The following ANKRD36B variants were observed in gnomAD, a reference collection of about 807,000 sequenced individuals.
ANKRD36B encodes the protein ankyrin repeat domain 36B, also known as ankyrin repeat domain-containing protein 36B.
ANKRD36B carries 37 observed loss-of-function variants against 135.7 expected under a neutral mutation model. The ratio of observed to expected loss-of-function variants is 0.27; its 90% CI spans 0.21 to 0.36. ANKRD36B has a LOEUF of 0.36. Among genes scored for constraint, ANKRD36B ranks in the 10% least tolerant of loss-of-function variants. ANKRD36B has a pLI of 1.00. For missense variants in ANKRD36B, 549 were observed against 1,037.1 expected, an observed-to-expected ratio of 0.53 and a Z score of 6.46; for synonymous variants, 179 against 348.1, an observed-to-expected ratio of 0.51 and a Z score of 5.41.
intron 12 of ANKRD36B, 134 bp from the exon 13 acceptor site, chr2:97,555,388 C>A: frequency 7.4e-7 from 1 of 1,345,358 alleles, no homozygotes; most frequent in Non-Finnish European, 1.0e-6. Flanking sequence ...TGTCTGGGGA[C>A]TGGAACATGA....
chr2:97,582,044 G>A (rs2082669107), intron 3 of ANKRD36B, among the ~76,000 whole-genome samples: 1 of 151,100 alleles, frequency 6.6e-6, no homozygotes. Flanking sequence ...TTCTGACCTC[G>A]TGATCTACCT....
chr2:97,589,145 C>G (rs1234555307), intron 1 of ANKRD36B, among the ~76,000 whole-genome samples: 6 of 104,808 alleles, frequency 5.7e-5, no homozygotes, highest in Non-Finnish European at 7.8e-5. Context: ...ACCCCTTTCC[C>G]CCACCCCATT....
At chr2:97,581,740 T>A (rs1218948012) in intron 3 of ANKRD36B, among the ~76,000 whole-genome samples, 1 of 152,188 alleles carries the variant, frequency 6.6e-6, no homozygotes, top group East Asian at 1.9e-4. Context: ...GCTCTAATAA[T>A]GACCTATATG....
Position 97,547,575 on chromosome 2 carries a change from T to C in ANKRD36B, c.1540A>G (p.Ile514Val), listed in dbSNP as rs984952529. The C allele has an allele frequency of 3.4e-5, 53 of 1,561,198 alleles. No homozygotes were observed. The highest frequency in any genetic ancestry group is 7.1e-5 in the Admixed American group (4 of 56,688). ...TRDEKDSLLN[I>V]ARGKKDGEKT... ...TCTCCATCTTTTTTTCCTCTGGCTA[T>C]ATTCAAAAGAGAATCTTTCTCGTCT... Residue 514 changes from isoleucine (I) to valine (V), a missense_variant, in exon 22 of 44, where the codon ATA (isoleucine) becomes GTA (valine). Physicochemically the swap from Ile to Val is conservative, Grantham distance 29. Transcript: ENST00000359901.
intron 22 of ANKRD36B, chr2:97,547,229 C>G: frequency 3.2e-6 from 1 of 308,408 alleles, no homozygotes; most frequent in Non-Finnish European, 6.2e-6. Context: ...CTCCTTCCAC[C>G]CTTACTGAAA....
chr2:97,556,112 C>G (rs1219860179), intron 12 of ANKRD36B, among the ~76,000 whole-genome samples: 1 of 151,698 alleles, frequency 6.6e-6, no homozygotes, highest in African/African-American at 2.4e-5. Flanking sequence ...TCTGGAATAT[C>G]ATTGTATTAT....
At chr2:97,529,129 G>A (rs1258110958) in intron 35 of ANKRD36B, among the ~76,000 whole-genome samples, 2 of 96,088 alleles carry the variant, frequency 2.1e-5, no homozygotes, top group African/African-American at 6.3e-5. Context: ...AATATCCTTA[G>A]TGAACATTGA....
intron 14 of ANKRD36B, 145 bp downstream of exon 14, chr2:97,554,915 C>G (rs890333629): frequency 8.2e-6 from 9 of 1,091,774 alleles, no homozygotes; most frequent in African/African-American, 1.6e-5. Flanking sequence ...CAGCATCACC[C>G]GAGAACTTAT....
At chr2:97,554,421 G>A (rs138548778) in intron 14 of ANKRD36B, among the ~76,000 whole-genome samples, 8,395 of 151,964 alleles carry the variant, frequency 0.055, 803 homozygotes, top group African/African-American at 0.19. Context: ...TGTCAATGTG[G>A]TTTATCCCAA....
chr2:97,573,795 C>A (rs2082049418), intron 6 of ANKRD36B, among the ~76,000 whole-genome samples: 1 of 152,022 alleles, frequency 6.6e-6, no homozygotes, highest in African/African-American at 2.4e-5. Context: ...GGAAAGGATT[C>A]CCTATTTAAT....
At chr2:97,561,131 A>G (rs746219064) in intron 6 of ANKRD36B, among the ~76,000 whole-genome samples, 5 of 151,916 alleles carry the variant, frequency 3.3e-5, no homozygotes, top group African/African-American at 7.2e-5. Flanking sequence ...AACCATGTCA[A>G]TATCAATGTG....
At chr2:97,547,834 T>C (rs1428950709) in intron 20 of ANKRD36B, 103 bp from the exon 21 acceptor site, 2 of 1,470,750 alleles carry the variant, frequency 1.4e-6, no homozygotes, top group Non-Finnish European at 1.9e-6. Context: ...CTGCCTGTAT[T>C]AGCATAGGCT....
chr2:97,553,672 C>A (rs1216931697), intron 14 of ANKRD36B, among the ~76,000 whole-genome samples: 5 of 151,906 alleles, frequency 3.3e-5, no homozygotes, highest in East Asian at 1.9e-4. Context: ...CAAATGCGAT[C>A]AAAAATCAGA....
In ANKRD36B at chr2:97,551,355, T is replaced by C. The variant is rs1205614094; in HGVS notation, c.1309A>G (p.Ser437Gly). The C allele has an allele frequency of 1.3e-6, 2 of 1,596,206 alleles. No individual in the cohort carries two copies. Among genetic ancestry groups the C allele is most frequent in the Admixed American group, 1.7e-5 (1 of 58,348 alleles). ...SQKKPALKAT[S>G]DEKDSFSNIT... ...TTCGAAAAAGAATCTTTCTCATCAC[T>C]TGTGGCCTGAATGGAATTTGAAACA... The change falls in exon 18 of 44, where the codon AGT (serine) becomes GGT (glycine). Residue 437 changes from serine (S) to glycine (G), a missense_variant. Coordinates refer to ENST00000359901, the MANE Select transcript of ANKRD36B (RefSeq NM_001393939.1).
At position 97,589,744 on chromosome 2, in the gene ANKRD36B, C is replaced by T. The variant is rs2104422096; in HGVS notation, c.-59G>A. 1.9e-6 allele frequency: 3 copies of T among 1,610,084 alleles called. No homozygotes were observed. The highest frequency in any genetic ancestry group is 2.2e-5 in the East Asian group (1 of 44,812). ...CTTAATCGTCGGCTGCAAATTGTAG[C>T]CTGCAGCCGTATTTCAGCTCGCCTT... On this transcript the variant is annotated 5_prime_UTR_variant, in exon 1 of 44. Coordinates refer to ENST00000359901, the MANE Select transcript of ANKRD36B (RefSeq NM_001393939.1).
rs764600489 is a variant in ANKRD36B at position 97,551,291 on chromosome 2, G to A, written c.1373C>T (p.Thr458Ile). Reference protein sequence around the residue: ...REKKDGEISRTVSSQKPPALK... With the variant: ...REKKDGEISRIVSSQKPPALK... ...TTAAATGTGTTTCGCAAAATTACCT[G>A]TCCTAGATATTTCTCCATCCTTTTT... The change falls in exon 18 of 44, where the codon ACA (threonine) becomes ATA (isoleucine). Residue 458 changes from threonine to isoleucine, a missense_variant and splice_region_variant. By Grantham distance (89) the Thr-to-Ile change is moderately conservative (BLOSUM62 -1). Coordinates refer to ENST00000359901, the MANE Select transcript of ANKRD36B (RefSeq NM_001393939.1). 55 of 1,556,764 alleles carry A rather than the reference G, an allele frequency of 3.5e-5. No homozygotes were observed. Among genetic ancestry groups the A allele is most frequent in the Non-Finnish European group, 4.8e-5 (55 of 1,154,382 alleles).
chr2:97,571,522 T>C (rs1045807186), intron 6 of ANKRD36B, among the ~76,000 whole-genome samples: 2 of 152,054 alleles, frequency 1.3e-5, no homozygotes, highest in Non-Finnish European at 2.9e-5. Context: ...GGTGCATGCC[T>C]GTAGTCCCAG....
In ANKRD36B at chr2:97,544,250, T is replaced by C. The variant is rs560340440; in HGVS notation, c.1682-265A>G. Among the ~76,000 whole-genome samples, 12 of 74,852 alleles carry C rather than the reference T, an allele frequency of 1.6e-4. 4 individuals carry two copies. The highest frequency in any genetic ancestry group is 3.9e-4 in the Non-Finnish European group (11 of 28,170). 49.1% of individuals were successfully genotyped at this position (74,852 alleles called of 152,430 possible). The stretch of plus-strand genomic sequence containing the variant: ...TAAAATAAAACCGTGTCAATATCAA[T>C]GTGGATATGCCAAGTGATGAGGACA... On this transcript the variant is annotated intron_variant, in intron 24 of 43. Transcript: ENST00000359901.
At position 97,589,695 on chromosome 2, in the gene ANKRD36B, C is replaced by A. The variant is rs551779525; in HGVS notation, c.-10G>T. On this transcript the variant is annotated 5_prime_UTR_variant, in exon 1 of 44. Coordinates refer to ENST00000359901, the MANE Select transcript of ANKRD36B (RefSeq NM_001393939.1). ...AGCACAAGCGCTCCATGAGGGTGGG[C>A]CACCTCTCCCGCTCGTCGTCTTCCT... The A allele has an allele frequency of 6.2e-7, 1 of 1,614,076 alleles. No homozygotes were observed. Among genetic ancestry groups the A allele is most frequent in the South Asian group, 1.1e-5 (1 of 91,082 alleles).
Sources: allele counts gnomAD v4.1 joint callset (sites outside exome capture counted in the v4.1 genomes callset), GRCh38; gene constraint gnomAD v4.1.1; transcripts MANE v1.5; gene names NCBI Gene and HGNC (gene_info 2026-07-23, HGNC 2026-07-21).